The following POLB variants were observed in gnomAD, a reference collection of about 807,000 sequenced individuals.
POLB encodes the protein 5'-dRP lyase.
A neutral mutation model predicts 52.7 loss-of-function variants in POLB; 37 were observed. The observed-to-expected ratio is 0.70, with a 90% CI of 0.54 to 0.92. The LOEUF (loss-of-function observed/expected upper bound fraction) is 0.92, where lower values mean the gene tolerates loss of function less well. Among genes scored for constraint, POLB ranks in the 40% least tolerant of loss-of-function variants. POLB has a pLI of 0.00. For synonymous variants in POLB, 138 were observed against 131.3 expected (o/e 1.05, Z -0.35); for missense variants, 313 against 400.8 (o/e 0.78, Z 1.87).
At chr8:42,363,759 A>G (rs1057404137) in intron 11 of POLB, among the ~76,000 whole-genome samples, 15 of 152,172 alleles carry the variant, frequency 9.9e-5, no homozygotes, top group Non-Finnish European at 1.8e-4. Context: ...CTGTGATAGA[A>G]CACTCAGGGG....
intron 9 of POLB, 65 bp downstream of exon 9, chr8:42,357,457 G>A: frequency 1.2e-6 from 1 of 837,740 alleles, no homozygotes; most frequent in Non-Finnish European, 2.1e-6. Context: ...TATATGGGAA[G>A]AATTTGGATT....
Position 42,354,535 on chromosome 8 carries a change from T to C in POLB, c.371-981T>C, listed in dbSNP as rs1393612836. 3 of 1,084,356 alleles carry C rather than the reference T, an allele frequency of 2.8e-6. No individual in the cohort carries two copies. In the Admixed American group the frequency reaches 6.9e-5, roughly 25 times the overall value. The allele number at this position is 1,084,356 out of a possible 1,614,324, so 67.2% of individuals were successfully genotyped here. ...TAAAAAATGCAGGTACAGTAATAAT[T>C]TTCCTTTCAATGGAATTTTTTTTTG... On this transcript the variant is annotated intron_variant, in intron 6 of 13. Coordinates refer to ENST00000265421, the MANE Select transcript of POLB (RefSeq NM_002690.3).
At chr8:42,341,750 G>A (rs560863283) in intron 2 of POLB, 10 of 378,054 alleles carry the variant, frequency 2.6e-5, no homozygotes, top group Admixed American at 6.8e-5. Context: ...AAAAATCCTC[G>A]TAGAAAATTG....
intron 9 of POLB, 85 bp downstream of exon 9, chr8:42,357,477 T>A: frequency 1.3e-6 from 1 of 758,254 alleles, no homozygotes; most frequent in Non-Finnish European, 2.4e-6. Context: ...TAAAAAGATG[T>A]AATTTGTGGT....
chr8:42,368,827 A>G (rs1437656162), intron 11 of POLB: 1 of 152,314 alleles, frequency 6.6e-6, no homozygotes, highest in Non-Finnish European at 1.5e-5. Context: ...GGTTTTCTAT[A>G]GTATTCTGTT....
intron 11 of POLB, among the ~76,000 whole-genome samples, chr8:42,367,611 A>G (rs1186287050): frequency 1.3e-5 from 2 of 152,194 alleles, no homozygotes; most frequent in Non-Finnish European, 1.5e-5. Flanking sequence ...TCTTCTTGCT[A>G]TCACCACTTA....
chr8:42,361,003 T>C, intron 9 of POLB: 1 of 519,980 alleles, frequency 1.9e-6, no homozygotes, highest in Non-Finnish European at 3.6e-6. Context: ...TTTTTATTCA[T>C]TATTGAGTAG....
rs532960857 is a variant in POLB, at chr8:42,362,097, C to A, written c.622-515C>A. Among the ~76,000 whole-genome samples, 12 of 152,034 alleles carry A rather than the reference C, an allele frequency of 7.9e-5. 1 individual carries two copies. Among genetic ancestry groups the A allele is most frequent in the Middle Eastern group, 3.4e-3 (1 of 294 alleles). ...CCAACATGGTGAAACCCCGTCTCCA[C>A]TAAAAATACAAAATTAACCAGGCGT... On this transcript the variant is annotated intron_variant, in intron 10 of 13. Coordinates refer to ENST00000265421, the MANE Select transcript of POLB (RefSeq NM_002690.3).
chr8:42,371,517 C>T (rs761482104), intron 13 of POLB, 46 bp from the exon 14 acceptor site: 2 of 1,138,840 alleles, frequency 1.8e-6, no homozygotes, highest in Non-Finnish European at 1.3e-6. Context: ...TATAACTAAA[C>T]TATAAAACTG....
intron 11 of POLB, among the ~76,000 whole-genome samples, chr8:42,368,160 T>C (rs1476006773): frequency 1.3e-5 from 2 of 152,212 alleles, no homozygotes; most frequent in African/African-American, 2.4e-5. Context: ...CTATTACTGA[T>C]GTGACAAACA....
Position 42,338,620 on chromosome 8 carries a change from C to A in POLB, c.-5C>A, listed in dbSNP as rs545525035. The A allele has an allele frequency of 1.2e-5, 20 of 1,613,856 alleles. No individual in the cohort carries two copies. In the African/African-American group the frequency reaches 2.5e-4, roughly 20 times the overall value. ...ACACTCTGGGGTTCTCGGGTGCAGG[C>A]CGCCATGAGCAAACGGAAGGCGCCG... On this transcript the variant is annotated 5_prime_UTR_variant, in exon 1 of 14. Transcript: ENST00000265421.
At chr8:42,340,720 T>A (rs936457035) in intron 2 of POLB, among the ~76,000 whole-genome samples, 4 of 152,216 alleles carry the variant, frequency 2.6e-5, no homozygotes, top group African/African-American at 9.7e-5. Context: ...TTTAGCCCTA[T>A]ACTGTCTTTA....
At chr8:42,338,947 C>A in intron 1 of POLB, 65 bp from the exon 2 acceptor site, 2 of 1,390,946 alleles carry the variant, frequency 1.4e-6, no homozygotes, top group Non-Finnish European at 2.0e-6. Flanking sequence ...TATCCCCTTC[C>A]AGAAAACAGT....
At chr8:42,355,387 T>G in intron 6 of POLB, 129 bp from the exon 7 acceptor site, 1 of 630,036 alleles carries the variant, frequency 1.6e-6, no homozygotes, top group Non-Finnish European at 2.9e-6. Flanking sequence ...TTTTGTCTCA[T>G]TGTGTTTTCA....
chr8:42,351,209 G>T lies in POLB; in HGVS notation c.320+1144G>T, dbSNP rs187571389. On this transcript the variant is annotated intron_variant, in intron 5 of 13. Transcript: ENST00000265421. Reference sequence around the variant, plus strand: ...TATTATCCTTTTTTTCTAGGCAAGAGAACTGAAAGTTGAATATAGAACATG... The same window carrying T: ...TATTATCCTTTTTTTCTAGGCAAGATAACTGAAAGTTGAATATAGAACATG... Among the ~76,000 whole-genome samples the T allele has an allele frequency of 7.2e-5, 11 of 152,248 alleles. No homozygotes were observed. In the East Asian group the frequency reaches 2.1e-3, roughly 29 times the overall value.
chr8:42,370,259 GTT>G (rs34271342), intron 13 of POLB: 34,509 of 282,344 alleles, frequency 0.12, 328 homozygotes, highest in East Asian at 0.19. Flanking sequence ...ATCTAAAAGG[GTT>G]TTTTTTTTTT....
chr8:42,347,054 T>C (rs1158917895), intron 3 of POLB, among the ~76,000 whole-genome samples: 1 of 152,150 alleles, frequency 6.6e-6, no homozygotes, highest in Non-Finnish European at 1.5e-5. Context: ...TTATTGCAAA[T>C]AGCCTGCTCA....
chr8:42,369,419 A>G, intron 12 of POLB, 84 bp downstream of exon 12: 1 of 791,492 alleles, frequency 1.3e-6, no homozygotes, highest in Non-Finnish European at 2.2e-6. Context: ...CTTGGAGTTC[A>G]CATTCATATC....
At chr8:42,354,449 C>T in intron 6 of POLB, 1 of 1,283,828 alleles carries the variant, frequency 7.8e-7, no homozygotes, top group Non-Finnish European at 1.0e-6. Context: ...AGTAAAGGGA[C>T]ACCTGAATGG....
Sources: allele counts gnomAD v4.1 joint callset (sites outside exome capture counted in the v4.1 genomes callset), GRCh38; gene constraint gnomAD v4.1.1; transcripts MANE v1.5; gene names NCBI Gene and HGNC (gene_info 2026-07-23, HGNC 2026-07-21).